Variants in ATAD2B observed in about 807,000 individuals in gnomAD.
ATAD2B encodes the protein ATPase family AAA domain containing 2B.
ATAD2B carries 40 observed loss-of-function variants against 167.6 expected under a neutral mutation model. The ratio of observed to expected loss-of-function variants is 0.24; its 90% CI spans 0.19 to 0.31. The LOEUF (loss-of-function observed/expected upper bound fraction) is 0.31. Among genes scored for constraint, ATAD2B ranks in the 10% least tolerant of loss-of-function variants. ATAD2B has a pLI of 1.00. For missense variants in ATAD2B, 1,242 were observed against 1,757.2 expected, an observed-to-expected ratio of 0.71 and a Z score of 5.24; for synonymous variants, 579 against 596.5, an observed-to-expected ratio of 0.97 and a Z score of 0.43.
chr2:23,870,019 C>A (rs891027074), intron 8 of ATAD2B, among the ~76,000 whole-genome samples: 2 of 151,796 alleles, frequency 1.3e-5, no homozygotes, highest in African/African-American at 4.8e-5. Flanking sequence ...ACCAGCCTGG[C>A]CAACATGGTG....
Position 23,783,053 on chromosome 2 carries a change from T to C in ATAD2B, c.2974-25A>G, listed in dbSNP as rs1269859646. The C allele has an allele frequency of 3.8e-6, 5 of 1,303,482 alleles. No homozygotes were observed. In the African/African-American group the frequency reaches 7.5e-5, roughly 20 times the overall value. The allele number at this position is 1,303,482 out of a possible 1,614,324, so 80.7% of individuals were successfully genotyped here. A position where few individuals can be genotyped will look rare whatever the true frequency, so the allele number is the denominator to read the frequency against. On this transcript the variant is annotated intron_variant, in intron 21 of 27. Coordinates refer to ENST00000238789, the MANE Select transcript of ATAD2B (RefSeq NM_017552.4). Reference sequence around the variant, plus strand: ...CCTAAAACAGATATTTTAATAAAAATTACTTCCAGTTTTTCACATCATCTC... The same window carrying C: ...CCTAAAACAGATATTTTAATAAAAACTACTTCCAGTTTTTCACATCATCTC...
intron 20 of ATAD2B, 135 bp downstream of exon 20, chr2:23,788,377 C>T (rs960611842): frequency 7.2e-6 from 7 of 969,090 alleles, no homozygotes; most frequent in Non-Finnish European, 1.1e-5. Flanking sequence ...CACTTCCACA[C>T]GTCATCTAAA....
At chr2:23,861,786 T>G (rs1300755070) in intron 12 of ATAD2B, among the ~76,000 whole-genome samples, 1 of 152,198 alleles carries the variant, frequency 6.6e-6, no homozygotes, top group Non-Finnish European at 1.5e-5. Flanking sequence ...TATTAATGAA[T>G]TCTCTTGAAG....
At chr2:23,853,060 A>ACT (rs1366314717) in intron 13 of ATAD2B, among the ~76,000 whole-genome samples, 1 of 152,190 alleles carries the variant, frequency 6.6e-6, no homozygotes, top group Non-Finnish European at 1.5e-5. Flanking sequence ...AGTAAAATAA[A>ACT]CTCTCACAGC....
At chr2:23,704,495 A>G in the ATAD2B span, among the ~76,000 whole-genome samples, 1 of 152,220 alleles carries the variant, frequency 6.6e-6, no homozygotes, top group Non-Finnish European at 1.5e-5. Flanking sequence ...GGCCAGGTGC[A>G]GTGGCTCACA....
chr2:23,706,207 C>T, the ATAD2B span, among the ~76,000 whole-genome samples: 4 of 152,248 alleles, frequency 2.6e-5, no homozygotes, highest in Non-Finnish European at 4.4e-5. Context: ...AGAGATCTTT[C>T]GTCTCCTAGC....
intron 1 of ATAD2B, among the ~76,000 whole-genome samples, chr2:23,906,394 G>A (rs1701497697): frequency 6.6e-6 from 1 of 152,076 alleles, no homozygotes; most frequent in Admixed American, 6.6e-5. Flanking sequence ...TTAAAAGTAT[G>A]GAGAAAACCT....
At chr2:23,897,810 G>T (rs1337894572) in intron 1 of ATAD2B, among the ~76,000 whole-genome samples, 2 of 152,144 alleles carry the variant, frequency 1.3e-5, no homozygotes, top group Non-Finnish European at 2.9e-5. Context: ...ATTTCTCCAA[G>T]GGGCCTTGGT....
chr2:23,830,355 G>T (rs1558618398), intron 14 of ATAD2B, among the ~76,000 whole-genome samples: 2 of 152,078 alleles, frequency 1.3e-5, no homozygotes. Context: ...ACCACCAACG[G>T]TAAGATCAGA....
chr2:23,829,243 GA>G (rs753246428), intron 14 of ATAD2B, among the ~76,000 whole-genome samples: 85 of 152,188 alleles, frequency 5.6e-4, no homozygotes, highest in Non-Finnish European at 1.0e-3. Flanking sequence ...TCTGGGACTA[GA>G]ATTCAAAACT....
intron 7 of ATAD2B, among the ~76,000 whole-genome samples, chr2:23,876,773 T>C: frequency 6.6e-6 from 1 of 151,872 alleles, no homozygotes; most frequent in East Asian, 1.9e-4. Flanking sequence ...CATGATCCAT[T>C]AAAAAAAATT....
At chr2:23,828,072 GT>G (rs564313058) in intron 15 of ATAD2B, among the ~76,000 whole-genome samples, 1,802 of 144,514 alleles carry the variant, frequency 0.012, 18 homozygotes, top group Middle Eastern at 0.039. Flanking sequence ...TGAAGATTGG[GT>G]TTTTTTTTTT....
the ATAD2B span, among the ~76,000 whole-genome samples, chr2:23,730,580 G>A: frequency 6.7e-6 from 1 of 148,496 alleles, no homozygotes; most frequent in South Asian, 2.2e-4. Flanking sequence ...GCAGGAGAAT[G>A]GCGTGAACCT....
chr2:23,718,150 G>T, the ATAD2B span, among the ~76,000 whole-genome samples: 3 of 152,018 alleles, frequency 2.0e-5, no homozygotes, highest in Admixed American at 1.3e-4. Context: ...TTTTTTTTTA[G>T]AAGTCAGTAA....
chr2:23,800,724 T>G (rs1246616673), intron 18 of ATAD2B, among the ~76,000 whole-genome samples: 1 of 151,946 alleles, frequency 6.6e-6, no homozygotes, highest in Non-Finnish European at 1.5e-5. Flanking sequence ...CTTCTCAAAA[T>G]TAACAAATTG....
At chr2:23,743,862 A>G (rs1674648657), downstream of ATAD2B, among the ~76,000 whole-genome samples, 1 of 152,134 alleles carries the variant, frequency 6.6e-6, no homozygotes, top group South Asian at 2.1e-4. Context: ...CCTGGGCTCA[A>G]GGATCCTTCT....
At chr2:23,815,808 C>T (rs968875209) in intron 17 of ATAD2B, among the ~76,000 whole-genome samples, 2 of 152,196 alleles carry the variant, frequency 1.3e-5, no homozygotes, top group African/African-American at 4.8e-5. Flanking sequence ...CAATAACTCA[C>T]TCCACTCCTA....
At chr2:23,799,842 C>T (rs1011584971) in intron 18 of ATAD2B, 1 of 152,078 alleles carries the variant, frequency 6.6e-6, no homozygotes, top group East Asian at 1.9e-4. Flanking sequence ...GTAATATTTG[C>T]TCCTTCCCTT....
At chr2:23,781,426 A>G (rs1680041087) in intron 22 of ATAD2B, among the ~76,000 whole-genome samples, 1 of 152,176 alleles carries the variant, frequency 6.6e-6, no homozygotes, top group South Asian at 2.1e-4. Flanking sequence ...GCACTTTGGG[A>G]GACCGAGGCT....
Sources: allele counts gnomAD v4.1 joint callset (sites outside exome capture counted in the v4.1 genomes callset), GRCh38; gene constraint gnomAD v4.1.1; transcripts MANE v1.5; gene names NCBI Gene and HGNC (gene_info 2026-07-23, HGNC 2026-07-21).